Variants in C4orf50 observed in about 807,000 individuals in gnomAD.
The protein encoded by C4orf50 is chromosome 4 open reading frame 50, also known as uncharacterized protein C4orf50.
C4orf50 carries 80 observed loss-of-function variants against 77.2 expected under a neutral mutation model. The ratio of observed to expected loss-of-function variants is 1.04; its 90% CI spans 0.87 to 1.25. The LOEUF is 1.25. Among genes scored for constraint, C4orf50 ranks in the 50% most tolerant of loss-of-function variants. The probability of loss-of-function intolerance (pLI) is 0.00; values close to 1 mark genes in which losing one functional copy is unlikely to be tolerated. For synonymous variants in C4orf50, 532 were observed against 465.3 expected (o/e 1.14, Z -1.84); for missense variants, 1,257 against 1,152.9 (o/e 1.09, Z -1.31).
At chr4:5,912,901 G>A (rs1486740005) in intron 7 of C4orf50, among the ~76,000 whole-genome samples, 1 of 152,206 alleles carries the variant, frequency 6.6e-6, no homozygotes, top group African/African-American at 2.4e-5. Flanking sequence ...CAGGGGAAAT[G>A]TTGGCTTGGT....
intron 31 of C4orf50, among the ~76,000 whole-genome samples, chr4:5,967,814 C>A (rs2108769747): frequency 6.6e-6 from 1 of 152,366 alleles, no homozygotes; most frequent in African/African-American, 2.4e-5. Context: ...TCCCCTGGGG[C>A]CCCTGATTCA....
At chr4:5,950,630 C>T (rs974800997) in intron 7 of C4orf50, among the ~76,000 whole-genome samples, 2 of 152,222 alleles carry the variant, frequency 1.3e-5, no homozygotes, top group African/African-American at 4.8e-5. Flanking sequence ...CAAAATGGCA[C>T]TTCCTCCAGG....
At chr4:5,962,489 T>C (rs1011530251) in intron 33 of C4orf50, among the ~76,000 whole-genome samples, 4 of 152,254 alleles carry the variant, frequency 2.6e-5, no homozygotes, top group Admixed American at 2.0e-4. Flanking sequence ...CCAGTGTCAC[T>C]GACAGCAGAC....
downstream of C4orf50, among the ~76,000 whole-genome samples, chr4:5,954,262 T>C (rs1411390890): frequency 2.6e-5 from 4 of 152,096 alleles, no homozygotes; most frequent in Non-Finnish European, 5.9e-5. This position sits in a 1 kb window ranked among gnomAD's most constrained non-coding sequence, Gnocchi z 4.7. Flanking sequence ...GGGGTATTGA[T>C]CTGGGGTCTG....
At chr4:5,933,949 G>A (rs1227249591) in intron 7 of C4orf50, among the ~76,000 whole-genome samples, 1 of 152,126 alleles carries the variant, frequency 6.6e-6, no homozygotes, top group East Asian at 1.9e-4. Context: ...AGGGAAGGAA[G>A]AGATGACAGA....
intron 25 of C4orf50, among the ~76,000 whole-genome samples, chr4:5,997,298 G>A (rs1257077162): frequency 6.6e-6 from 1 of 152,184 alleles, no homozygotes; most frequent in Non-Finnish European, 1.5e-5. Context: ...TATGTGGCAG[G>A]CCCTGTTCTG....
chr4:5,936,435 G>A (rs1168215781), intron 7 of C4orf50, among the ~76,000 whole-genome samples: 4 of 151,694 alleles, frequency 2.6e-5, no homozygotes, highest in Non-Finnish European at 4.4e-5. Context: ...GGTGGCGGGC[G>A]CCTCTAATCC....
At chr4:5,996,133 G>T (rs1577981603) in intron 25 of C4orf50, among the ~76,000 whole-genome samples, 1 of 152,200 alleles carries the variant, frequency 6.6e-6, no homozygotes, top group African/African-American at 2.4e-5. Flanking sequence ...GCAGCTTTGC[G>T]CCAGCTTCCC....
At chr4:5,912,971 T>C (rs1016424260) in intron 7 of C4orf50, among the ~76,000 whole-genome samples, 3 of 152,218 alleles carry the variant, frequency 2.0e-5, no homozygotes, top group Non-Finnish European at 4.4e-5. Context: ...GGCTTGCATA[T>C]GAAAGGCGTG....
At chr4:5,984,861 AC>A (rs201587074) in intron 28 of C4orf50, among the ~76,000 whole-genome samples, 11 of 150,906 alleles carry the variant, frequency 7.3e-5, no homozygotes, top group Non-Finnish European at 1.2e-4. Context: ...AAAAAAAAAA[AC>A]CAAACAAAAA....
chr4:5,928,640 T>C (rs1008905861), intron 7 of C4orf50, among the ~76,000 whole-genome samples: 1 of 152,114 alleles, frequency 6.6e-6, no homozygotes. Flanking sequence ...TGATAAAACA[T>C]CTCCCTGGGG....
intron 7 of C4orf50, among the ~76,000 whole-genome samples, chr4:5,948,490 C>A (rs1050321323): frequency 6.6e-6 from 1 of 152,036 alleles, no homozygotes; most frequent in African/African-American, 2.4e-5. Context: ...CATGGTGAAA[C>A]CCCGCTTCTA....
chr4:5,981,402 C>CTTT (rs35263863), intron 28 of C4orf50, among the ~76,000 whole-genome samples: 9 of 124,068 alleles, frequency 7.3e-5, no homozygotes, highest in South Asian at 5.5e-4. Flanking sequence ...AAGTGAGTAT[C>CTTT]TTTTTTTTTT....
At position 5,992,191 on chromosome 4, in the gene C4orf50, A is replaced by C. The variant is rs773426601; in HGVS notation, c.1221+612T>G. On this transcript the variant is annotated intron_variant, in intron 27 of 33. Coordinates refer to ENST00000531445, the Ensembl canonical transcript of C4orf50. The surrounding 1 kb of genome is among the most constrained non-coding windows in gnomAD (Gnocchi z 5.0). ...TGACATCCAACAACAAAAATAAGAG[A>C]TACATCGTGAGCAGGATGTGAATGA... Among the ~76,000 whole-genome samples, 29 of 152,216 alleles carry C rather than the reference A, an allele frequency of 1.9e-4. No homozygotes were observed. The highest frequency in any genetic ancestry group is 3.7e-4 in the Non-Finnish European group (25 of 68,042).
At chr4:5,911,849 C>A (rs1716820451) in intron 7 of C4orf50, among the ~76,000 whole-genome samples, 1 of 152,150 alleles carries the variant, frequency 6.6e-6, no homozygotes, top group Admixed American at 6.5e-5. Flanking sequence ...AGATCGAGAC[C>A]ATCCTGGCCA....
rs551306326 is a variant in C4orf50 at position 5,992,333 on chromosome 4, G to A, written c.1221+470C>T. On this transcript the variant is annotated intron_variant, in intron 27 of 33. Transcript: ENST00000531445. This position sits in a 1 kb window ranked among gnomAD's most constrained non-coding sequence, Gnocchi z 5.0. The stretch of plus-strand genomic sequence containing the variant: ...GAAAATGGAAGTGGAGAAAGGTTAC[G>A]ACTGCCTCAGCCTCAGAGCGAGCCA... Among the ~76,000 whole-genome samples, 6 of 152,264 alleles carry A rather than the reference G, an allele frequency of 3.9e-5. No homozygotes were observed. Among genetic ancestry groups the A allele is most frequent in the Admixed American group, 3.3e-4 (5 of 15,306 alleles).
At chr4:5,969,787 T>C (rs73069547) in intron 31 of C4orf50, among the ~76,000 whole-genome samples, 3,959 of 152,062 alleles carry the variant, frequency 0.026, 173 homozygotes, top group African/African-American at 0.09. Context: ...ATGACATGGG[T>C]CATTATTTAG....
intron 7 of C4orf50, among the ~76,000 whole-genome samples, chr4:5,944,326 A>G (rs776360767): frequency 6.6e-6 from 1 of 151,996 alleles, no homozygotes; most frequent in East Asian, 1.9e-4. Flanking sequence ...CAGGGGAATG[A>G]CTTGTTTATA....
chr4:5,951,385 G>A (rs1479863115), intron 7 of C4orf50, among the ~76,000 whole-genome samples: 2 of 152,142 alleles, frequency 1.3e-5, no homozygotes, highest in Admixed American at 6.5e-5. Context: ...ACCCTGGAAT[G>A]AGAAACTGAG....
Sources: gnomAD v4.1 joint callset for allele counts (sites outside exome capture counted in the v4.1 genomes callset) on GRCh38, gnomAD v4.1.1 for gene constraint, Gnocchi (gnomAD v3.1) non-coding constraint, MANE v1.5 for transcripts, NCBI Gene and HGNC (gene_info 2026-07-23, HGNC 2026-07-21) for gene names.